Variants in CILK1 observed in about 807,000 individuals in gnomAD.
CILK1 encodes ciliogenesis associated kinase 1.
CILK1 carries 47 observed loss-of-function variants against 79.2 expected under a neutral mutation model. The ratio of observed to expected loss-of-function variants is 0.59; its 90% confidence interval spans 0.47 to 0.76. The LOEUF (loss-of-function observed/expected upper bound fraction) is 0.76, where lower values mean the gene tolerates loss of function less well. Among genes scored for constraint, CILK1 ranks in the 30% least tolerant of loss-of-function variants. The pLI is 0.00. For synonymous variants in CILK1, 266 were observed against 275.9 expected (o/e 0.96, Z 0.36); for missense variants, 660 against 769.5 (o/e 0.86, Z 1.68).
intron 3 of CILK1, among the ~76,000 whole-genome samples, chr6:53,037,220 A>C (rs949171696): frequency 2.0e-5 from 3 of 152,280 alleles, no homozygotes; most frequent in African/African-American, 7.2e-5. Flanking sequence ...TGATCAATCT[A>C]CTCTGACAGA....
At chr6:53,028,441 C>T (rs1346019673) in intron 5 of CILK1, among the ~76,000 whole-genome samples, 3 of 152,226 alleles carry the variant, frequency 2.0e-5, no homozygotes, top group South Asian at 4.1e-4. Context: ...CTAATCTCCA[C>T]TCAACCACTT....
intron 4 of CILK1, among the ~76,000 whole-genome samples, 159 bp from the exon 5 acceptor site, chr6:53,031,303 G>GA (rs1765946238): frequency 6.6e-6 from 1 of 152,010 alleles, no homozygotes; most frequent in South Asian, 2.1e-4. Flanking sequence ...TTGATAGTAA[G>GA]CCAAAAAAAA....
At chr6:53,057,128 T>C (rs961585955) in intron 1 of CILK1, among the ~76,000 whole-genome samples, 1 of 152,260 alleles carries the variant, frequency 6.6e-6, no homozygotes, top group Non-Finnish European at 1.5e-5. Context: ...TTCATGCAGA[T>C]AGTAACTTTC....
chr6:53,019,088 A>G, intron 6 of CILK1, 139 bp downstream of exon 6: 2 of 784,266 alleles, frequency 2.6e-6, no homozygotes, highest in East Asian at 2.7e-5. Context: ...CATTACCAAC[A>G]TATCTATAAA....
intron 11 of CILK1, among the ~76,000 whole-genome samples, chr6:53,010,905 T>C (rs1158538363): frequency 6.6e-6 from 1 of 152,206 alleles, no homozygotes; most frequent in Non-Finnish European, 1.5e-5. Context: ...CTGTGTAGAC[T>C]ACAGTGTGAA....
intron 1 of CILK1, among the ~76,000 whole-genome samples, chr6:53,049,918 G>A (rs1349720929): frequency 6.6e-6 from 1 of 151,994 alleles, no homozygotes; most frequent in Non-Finnish European, 1.5e-5. Context: ...ACGGGGTCTT[G>A]CTATGTTGCC....
chr6:53,004,702 ACT>A lies in CILK1; in HGVS notation c.*445_*446del. 5.9e-6 allele frequency: 1 copy of A among 170,760 alleles called. No individual in the cohort carries two copies. The highest frequency in any genetic ancestry group is 2.4e-5 in the African/African-American group (1 of 41,660). 10.6% of individuals were successfully genotyped at this position (170,760 alleles called of 1,614,324 possible). A position where few individuals can be genotyped will look rare whatever the true frequency, so the allele number is the denominator to read the frequency against. On this transcript the variant is annotated 3_prime_UTR_variant, in exon 14 of 14. Transcript: ENST00000676107. Reference sequence around the variant, plus strand: ...CACCACTTCATAAATATCTGCACACACTGAGTAAATAACCCTCTATCACATAG... The same window carrying A: ...CACCACTTCATAAATATCTGCACACAGAGTAAATAACCCTCTATCACATAG...
chr6:53,016,483 G>A (rs1764903311), intron 7 of CILK1, among the ~76,000 whole-genome samples: 1 of 152,000 alleles, frequency 6.6e-6, no homozygotes, highest in Non-Finnish European at 1.5e-5. Flanking sequence ...CACTGGATTT[G>A]CCAACTTAAT....
In CILK1 at chr6:53,004,208, G is replaced by A. The variant is rs1764087571; in HGVS notation, c.*941C>T. On this transcript the variant is annotated 3_prime_UTR_variant, in exon 14 of 14. Transcript: ENST00000676107. ...TAGCCAGATCTGGAGAACTGAGCTA[G>A]GCACAAAATTCCATCTCAGTTACTA... 6.6e-6 allele frequency: 1 copy of A among 152,554 alleles called. No homozygotes were observed. Among genetic ancestry groups the A allele is most frequent in the Non-Finnish European group, 1.5e-5 (1 of 68,040 alleles). The allele number at this position is 152,554 out of a possible 1,614,324, so 9.5% of individuals were successfully genotyped here.
intron 1 of CILK1, among the ~76,000 whole-genome samples, chr6:53,055,857 A>G (rs1767816596): frequency 6.6e-6 from 1 of 152,230 alleles, no homozygotes; most frequent in South Asian, 2.1e-4. Context: ...TAAAGGCGAA[A>G]TGTTAAAAAA....
intron 13 of CILK1, among the ~76,000 whole-genome samples, chr6:53,005,843 C>A (rs1252805133): frequency 2.0e-5 from 3 of 152,154 alleles, no homozygotes. Context: ...CCCCTGACCT[C>A]ATCTTGCTAC....
intron 4 of CILK1, 43 bp downstream of exon 4, chr6:53,032,490 G>A (rs746433771): frequency 1.9e-5 from 27 of 1,391,168 alleles, no homozygotes; most frequent in Middle Eastern, 3.9e-4. Context: ...CATCTGCTTT[G>A]CCTATTTATT....
chr6:53,016,022 C>G (rs766123914), intron 8 of CILK1, 61 bp downstream of exon 8: 2 of 1,488,882 alleles, frequency 1.3e-6, no homozygotes, highest in South Asian at 2.3e-5. Flanking sequence ...ATTTCCTGTG[C>G]AATTCATAGA....
At chr6:53,046,348 C>T (rs915155408) in intron 1 of CILK1, among the ~76,000 whole-genome samples, 2 of 152,100 alleles carry the variant, frequency 1.3e-5, no homozygotes, top group South Asian at 2.1e-4. Context: ...AATAATAAAG[C>T]CTTTTTTGGA....
At chr6:53,053,452 C>T (rs1183529480) in intron 1 of CILK1, among the ~76,000 whole-genome samples, 3 of 152,240 alleles carry the variant, frequency 2.0e-5, no homozygotes, top group Middle Eastern at 3.4e-3. Context: ...ATTATAAGTG[C>T]TTATGCATAT....
intron 1 of CILK1, among the ~76,000 whole-genome samples, chr6:53,049,779 T>A (rs1444789268): frequency 1.3e-5 from 2 of 152,138 alleles, no homozygotes; most frequent in African/African-American, 4.8e-5. Flanking sequence ...CCAGCTGGAG[T>A]GCAGCTGTGT....
chr6:53,029,608 T>C (rs1294698411), intron 5 of CILK1, among the ~76,000 whole-genome samples: 1 of 152,188 alleles, frequency 6.6e-6, no homozygotes, highest in African/African-American at 2.4e-5. Flanking sequence ...CAAGGTCTTT[T>C]CTACTCACTG....
At chr6:53,027,873 C>G in intron 5 of CILK1, among the ~76,000 whole-genome samples, 1 of 151,872 alleles carries the variant, frequency 6.6e-6, no homozygotes, top group Non-Finnish European at 1.5e-5. Flanking sequence ...GGGCGCCGGG[C>G]ACAGTGGCTC....
At chr6:53,058,338 G>T (rs1399994893) in intron 1 of CILK1, among the ~76,000 whole-genome samples, 4 of 152,134 alleles carry the variant, frequency 2.6e-5, no homozygotes, top group Non-Finnish European at 2.9e-5. Context: ...AGGCATCTCT[G>T]ATTTTCTTCC....
Sources: allele counts gnomAD v4.1 joint callset (sites outside exome capture counted in the v4.1 genomes callset), GRCh38; gene constraint gnomAD v4.1.1; transcripts MANE v1.5; gene names NCBI Gene and HGNC (gene_info 2026-07-23, HGNC 2026-07-21).